The following RBM10 variants were observed in gnomAD, a reference collection of about 807,000 sequenced individuals.
RBM10 encodes RNA binding motif protein 10.
In RBM10, 1 loss-of-function variant was observed where a neutral mutation model predicts 84.9. That is an observed-to-expected ratio of 0.01 (90% CI 0.00 to 0.06). The LOEUF (loss-of-function observed/expected upper bound fraction) is 0.06, where lower values mean the gene tolerates loss of function less well. Among genes scored for constraint, RBM10 ranks in the 10% least tolerant of loss-of-function variants. The pLI, the probability that RBM10 is intolerant of heterozygous loss-of-function variation, is 1.00. For missense variants in RBM10, 438 were observed against 839.0 expected (o/e 0.52, Z 5.90); for synonymous variants, 326 against 344.5 (o/e 0.95, Z 0.60).
intron 2 of RBM10, among the ~76,000 whole-genome samples, chrX:47,153,481 GT>G (rs1426495463): frequency 1.8e-5 from 2 of 110,205 alleles, no homozygotes; most frequent in Non-Finnish European, 3.8e-5. Flanking sequence ...AAAGTTAGTT[GT>G]TTTATAGAAT....
chrX:47,152,742 T>A (rs1029390166), intron 2 of RBM10, among the ~76,000 whole-genome samples: 4 of 101,619 alleles, frequency 3.9e-5, no homozygotes, highest in Non-Finnish European at 7.9e-5. Flanking sequence ...CTACCGCGCC[T>A]GGCCCACCCT....
rs1297880873 is a variant in RBM10, at chrX:47,181,206, GC to G, written c.1249-6del. 4.0e-5 allele frequency: 45 copies of G among 1,120,167 alleles called. No individual in the cohort carries two copies. The highest frequency in any genetic ancestry group is 5.1e-5 in the Non-Finnish European group (43 of 851,466). The allele number at this position is 1,120,167 out of a possible 1,213,427, so 92.3% of individuals were successfully genotyped here. A position where few individuals can be genotyped will look rare whatever the true frequency, so the allele number is the denominator to read the frequency against. ...CTGTTCTAATGAACCCCTCCCACCT[GC>G]CCTTCAGGCCTCCCAAGGTGGGGAG... On this transcript the variant is annotated splice_region_variant and splice_polypyrimidine_tract_variant and intron_variant, in intron 12 of 23. Transcript: ENST00000377604.
intron 6 of RBM10, among the ~76,000 whole-genome samples, chrX:47,175,640 G>C (rs1005317112): frequency 2.2e-4 from 25 of 111,439 alleles, no homozygotes; most frequent in African/African-American, 7.5e-4. Context: ...GAGTATGATA[G>C]TTTTATCGAC....
At chrX:47,180,670 CT>C (rs1319865292) in intron 12 of RBM10, among the ~76,000 whole-genome samples, 164 bp downstream of exon 12, 6 of 111,379 alleles carry the variant, frequency 5.4e-5, no homozygotes, top group Non-Finnish European at 1.1e-4. Flanking sequence ...TCTAGACCCC[CT>C]GGGACATTCC....
Position 47,171,080 on chromosome X carries a change from G to A in RBM10, c.254G>A (p.Arg85Gln), listed in dbSNP as rs139829599. The change falls in exon 4 of 24, where the codon CGG becomes CAG. Residue 85 changes from arginine to glutamine, a missense_variant. Arg to Gln is a conservative substitution (Grantham distance 43). Coordinates refer to ENST00000377604, the MANE Select transcript of RBM10 (RefSeq NM_005676.5). ...GAGACTCAGCGTAGGCGGCGGCGGCGGCACAGGCACAGCCCCACCGGCCCG... is the reference window on the plus strand; with the variant it reads ...GAGACTCAGCGTAGGCGGCGGCGGCAGCACAGGCACAGCCCCACCGGCCCG... Reference protein sequence around the residue: ...GSETQRRRRRRHRHSPTGPPG... With the variant: ...GSETQRRRRRQHRHSPTGPPG... 6.6e-6 allele frequency: 8 copies of A among 1,210,571 alleles called. No individual in the cohort carries two copies. The highest frequency in any genetic ancestry group is 8.9e-6 in the Non-Finnish European group (8 of 895,104).
chrX:47,152,774 GACACACACACACACACAC>G (rs370048928), intron 2 of RBM10, among the ~76,000 whole-genome samples: 6 of 80,363 alleles, frequency 7.5e-5, no homozygotes, highest in South Asian at 7.3e-4. Context: ...TCTTTACATA[GACACACACACACACACAC>G]ACACACACAC....
chrX:47,179,790 G>A, intron 9 of RBM10, 90 bp from the exon 10 acceptor site: 1 of 1,062,851 alleles, frequency 9.4e-7, no homozygotes, highest in Non-Finnish European at 1.3e-6. Context: ...GAGTGAGTGG[G>A]GGCAGAGGAA....
chrX:47,146,835 C>T (rs939405045), intron 1 of RBM10, among the ~76,000 whole-genome samples: 1 of 111,396 alleles, frequency 9.0e-6, no homozygotes, highest in Middle Eastern at 4.7e-3. Context: ...CACACACCCC[C>T]CCAAGAGCCT....
In RBM10 at chrX:47,179,148, G is replaced by A. The variant is rs1556777503; in HGVS notation, c.709G>A (p.Gly237Ser). The change falls in exon 8 of 24, where the codon GGC becomes AGC. Residue 237 changes from glycine (G) to serine (S), a missense_variant. Gly to Ser is a moderately conservative substitution (Grantham distance 56). Coordinates refer to ENST00000377604, the MANE Select transcript of RBM10 (RefSeq NM_005676.5). ...ACGCCGAGAGAAGTGCTTCAAATGT[G>A]GCGTGCCCAAGTCAGGTGAGGCCCA... ...FKRREKCFKC[G>S]VPKSEAEQKL... 2 of 1,209,653 alleles carry A rather than the reference G, an allele frequency of 1.7e-6. No individual in the cohort carries two copies. The highest frequency in any genetic ancestry group is 3.5e-5 in the South Asian group (2 of 56,366).
At chrX:47,153,661 C>T (rs782602125) in intron 2 of RBM10, among the ~76,000 whole-genome samples, 1 of 111,788 alleles carries the variant, frequency 8.9e-6, no homozygotes, top group African/African-American at 3.2e-5. Flanking sequence ...TTTTTATTTT[C>T]AGTATTTATC....
chrX:47,176,491 T>C lies in RBM10; in HGVS notation c.577-9T>C, dbSNP rs781838805. The C allele has an allele frequency of 1.6e-5, 19 of 1,209,290 alleles. No homozygotes were observed. The highest frequency in any genetic ancestry group is 2.1e-5 in the Non-Finnish European group (19 of 895,100). On this transcript the variant is annotated splice_polypyrimidine_tract_variant and intron_variant, in intron 6 of 23. Transcript: ENST00000377604. ...CCTGGACCTCACTGTGCTCTGCTTT[T>C]TCCCGCAGCACTCCCTCAACATCCT...
At chrX:47,161,677 C>T (rs782221109) in intron 2 of RBM10, among the ~76,000 whole-genome samples, 73 of 108,240 alleles carry the variant, frequency 6.7e-4, no homozygotes, top group Non-Finnish European at 8.8e-4. Context: ...GATACAAACA[C>T]GCACCACCAC....
rs1933247937 is a variant in RBM10 at position 47,157,386 on chromosome X, A to G, written c.17+9888A>G. ...GCCCTCCTGATTGAATACAGTAGAC[A>G]TCTCGTGAGAGTTGGTGCCGTGAGC... is the stretch of plus-strand genomic sequence containing the variant. On this transcript the variant is annotated intron_variant, in intron 2 of 23. Transcript: ENST00000377604. 33 of 314,260 alleles carry G rather than the reference A, an allele frequency of 1.1e-4. 1 individual carries two copies. Among genetic ancestry groups the G allele is most frequent in the South Asian group, 1.0e-3 (31 of 29,982 alleles). 25.9% of individuals were successfully genotyped at this position (314,260 alleles called of 1,213,427 possible).
chrX:47,155,104 G>A (rs1330720985), intron 2 of RBM10, among the ~76,000 whole-genome samples: 7 of 93,629 alleles, frequency 7.5e-5, no homozygotes, highest in East Asian at 6.9e-4. Flanking sequence ...CCAAGATCAC[G>A]CCACTGCACT....
At chrX:47,164,413 G>A (rs191040657) in intron 2 of RBM10, among the ~76,000 whole-genome samples, 16 of 108,939 alleles carry the variant, frequency 1.5e-4, no homozygotes, top group Admixed American at 8.9e-4. Flanking sequence ...GGTGGCAGGC[G>A]CCTGTAATCA....
intron 5 of RBM10, among the ~76,000 whole-genome samples, chrX:47,173,940 CCT>C (rs1442662736): frequency 1.5e-5 from 1 of 65,540 alleles, no homozygotes; most frequent in Non-Finnish European, 2.8e-5. Flanking sequence ...TCTCTTTCTC[CCT>C]CTCTCTCTTT....
rs782183520 is a variant in RBM10 at position 47,179,200 on chromosome X, A to G, written c.724+37A>G. ...CTACCTCTCGTGCTCTCCAGGGCGG[A>G]GCGGTTGGGGAGAAGGGAAGGGTGA... is the stretch of plus-strand genomic sequence containing the variant. On this transcript the variant is annotated intron_variant, in intron 8 of 23. Coordinates refer to ENST00000377604, the MANE Select transcript of RBM10 (RefSeq NM_005676.5). 7 of 1,200,780 alleles carry G rather than the reference A, an allele frequency of 5.8e-6. No individual in the cohort carries two copies. In the Admixed American group the frequency reaches 1.6e-4, roughly 27 times the overall value.
intron 17 of RBM10, among the ~76,000 whole-genome samples, chrX:47,182,879 T>C (rs1271282613): frequency 8.9e-6 from 1 of 112,494 alleles, no homozygotes; most frequent in East Asian, 2.8e-4. Context: ...GTCATGCATA[T>C]AAAGTTATAC....
rs782567113 is a variant in RBM10, at chrX:47,171,105, G to T, written c.279G>T (p.Pro93=). ...GGCACAGGCACAGCCCCACCGGCCC[G>T]CCAGGCTTCCCCCGAGACGGCGACT... ...RRRHRHSPTG[P]PGFPRDGDYR... The change falls in exon 4 of 24, where the codon CCG becomes CCT. Residue 93 remains proline, a synonymous_variant. Coordinates refer to ENST00000377604, the MANE Select transcript of RBM10 (RefSeq NM_005676.5). 3 of 1,208,468 alleles carry T rather than the reference G, an allele frequency of 2.5e-6. No homozygotes were observed. The highest frequency in any genetic ancestry group is 3.0e-5 in the East Asian group (1 of 33,701).
Sources: gnomAD v4.1 joint callset for allele counts (sites outside exome capture counted in the v4.1 genomes callset) on GRCh38, gnomAD v4.1.1 for gene constraint, MANE v1.5 for transcripts, NCBI Gene and HGNC (gene_info 2026-07-23, HGNC 2026-07-21) for gene names.